APBA2: variants seen among roughly 807,000 people sequenced by gnomAD.
APBA2 encodes the protein amyloid beta precursor protein binding family A member 2, also known as amyloid-beta A4 precursor protein-binding family A member 2.
APBA2 carries 30 observed loss-of-function variants against 75.0 expected under a neutral mutation model. The ratio of observed to expected loss-of-function variants is 0.40; its 90% confidence interval spans 0.30 to 0.54. The LOEUF is 0.54. Ranked by LOEUF, APBA2 falls within the 20% of genes least tolerant of loss-of-function variation. The pLI, the probability that APBA2 is intolerant of heterozygous loss-of-function variation, is 0.49. For synonymous variants in APBA2, 444 were observed against 409.6 expected, an observed-to-expected ratio of 1.08 and a Z score of -1.01; for missense variants, 801 against 1,016.1, an observed-to-expected ratio of 0.79 and a Z score of 2.88.
chr15:28,951,001 A>C (rs1281918073), intron 2 of APBA2, among the ~76,000 whole-genome samples: 1 of 152,112 alleles, frequency 6.6e-6, no homozygotes, highest in Non-Finnish European at 1.5e-5. Flanking sequence ...TTTTTTGAGT[A>C]CAGTCAGTTG....
At chr15:29,010,160 G>A (rs960760390) in intron 3 of APBA2, among the ~76,000 whole-genome samples, 13 of 152,110 alleles carry the variant, frequency 8.5e-5, no homozygotes, top group Non-Finnish European at 1.8e-4. Context: ...TATCTCTTTC[G>A]AATACTTGTC....
Position 29,117,348 on chromosome 15 carries a change from T to C in APBA2, c.*215T>C. The C allele has an allele frequency of 1.7e-6, 1 of 599,408 alleles. No homozygotes were observed. Among genetic ancestry groups the C allele is most frequent in the Non-Finnish European group, 3.0e-6 (1 of 336,378 alleles). The allele number at this position is 599,408 out of a possible 1,614,324, so 37.1% of individuals were successfully genotyped here. ...AGGAGAGTCACAGAACAAATGTTTG[T>C]TTGTAAAGCGTTCCAAGTATTTTGC... On this transcript the variant is annotated 3_prime_UTR_variant, in exon 15 of 15. Transcript: ENST00000683413.
intron 13 of APBA2, among the ~76,000 whole-genome samples, chr15:29,112,901 G>A (rs2044814826): frequency 6.6e-6 from 1 of 151,986 alleles, no homozygotes; most frequent in Admixed American, 6.6e-5. Context: ...CTTCTACTTT[G>A]TCTCTGTGAT....
At chr15:29,043,075 C>T (rs908336383) in intron 3 of APBA2, among the ~76,000 whole-genome samples, 1 of 152,092 alleles carries the variant, frequency 6.6e-6, no homozygotes, top group Non-Finnish European at 1.5e-5. Flanking sequence ...TTAGACGTAA[C>T]CCAGGAAGAA....
intron 6 of APBA2, among the ~76,000 whole-genome samples, chr15:29,086,332 C>T (rs942900374): frequency 1.5e-4 from 23 of 152,352 alleles, no homozygotes; most frequent in African/African-American, 5.5e-4. Context: ...AGCTAAGCCA[C>T]ACCCAGATTC....
chr15:28,943,020 A>G (rs1027959447), intron 2 of APBA2, among the ~76,000 whole-genome samples: 1 of 152,182 alleles, frequency 6.6e-6, no homozygotes, highest in Non-Finnish European at 1.5e-5. Context: ...CTCACCCAAA[A>G]TTACAGAGCA....
chr15:28,960,494 A>G (rs1210063603), intron 2 of APBA2, among the ~76,000 whole-genome samples: 1 of 151,748 alleles, frequency 6.6e-6, no homozygotes, highest in Non-Finnish European at 1.5e-5. Context: ...TTGAATTCTC[A>G]TAATCATAAT....
Position 29,101,608 on chromosome 15 carries a change from A to G in APBA2, c.1348A>G (p.Met450Val). The G allele has an allele frequency of 6.2e-7, 1 of 1,613,350 alleles. No homozygotes were observed. The highest frequency in any genetic ancestry group is 8.5e-7 in the Non-Finnish European group (1 of 1,179,872). ...VLNADTQETMMDHALRTISYI... is the reference protein window; with the variant it reads ...VLNADTQETMVDHALRTISYI... ...GTCTCCCTCCCGACAGGAAACCATG[A>G]TGGACCACGCCTTGCGTACCATCTC... Residue 450 changes from methionine (M) to valine (V), a missense_variant, in exon 10 of 15, where the codon ATG becomes GTG. By Grantham distance (21) the Met-to-Val change is conservative. This residue lies in a region of APBA2 where 367 missense variants were observed against 544.5 expected (regional missense o/e 0.67). Coordinates refer to ENST00000683413, the MANE Select transcript of APBA2 (RefSeq NM_001353788.2).
intron 2 of APBA2, among the ~76,000 whole-genome samples, chr15:28,962,083 A>G (rs1301425348): frequency 6.6e-6 from 1 of 152,048 alleles, no homozygotes; most frequent in Admixed American, 6.5e-5. Flanking sequence ...ATTTTAATCT[A>G]TCGTCGTGAA....
intron 2 of APBA2, among the ~76,000 whole-genome samples, chr15:28,994,596 GTCA>G (rs1364311420): frequency 6.6e-6 from 1 of 152,102 alleles, no homozygotes; most frequent in Non-Finnish European, 1.5e-5. Context: ...GAGACGTTGG[GTCA>G]TCTCCTTTAC....
At chr15:29,043,937 TG>T (rs1456064982) in intron 3 of APBA2, among the ~76,000 whole-genome samples, 12 of 152,230 alleles carry the variant, frequency 7.9e-5, no homozygotes, top group Non-Finnish European at 1.6e-4. Flanking sequence ...CTGGAATGCT[TG>T]GGCTGATTAT....
chr15:29,039,570 T>A (rs143289252), intron 3 of APBA2, among the ~76,000 whole-genome samples: 9 of 152,230 alleles, frequency 5.9e-5, no homozygotes, highest in Admixed American at 5.9e-4. Context: ...GATCCAGGAA[T>A]TGATATTTTT....
chr15:28,937,645 A>C (rs574816688), intron 2 of APBA2, among the ~76,000 whole-genome samples: 2 of 151,596 alleles, frequency 1.3e-5, no homozygotes, highest in South Asian at 4.2e-4. Flanking sequence ...TGTTGGATTT[A>C]GTTTCTTTTT....
At chr15:29,047,990 C>T (rs1394815546) in intron 3 of APBA2, among the ~76,000 whole-genome samples, 2 of 152,084 alleles carry the variant, frequency 1.3e-5, no homozygotes, top group Non-Finnish European at 2.9e-5. Context: ...ACATTTAAGA[C>T]TTCAATAAAT....
chr15:28,967,469 C>T (rs771428705), intron 2 of APBA2, among the ~76,000 whole-genome samples: 24 of 152,228 alleles, frequency 1.6e-4, no homozygotes, highest in Non-Finnish European at 3.1e-4. Context: ...GATGGAGTCT[C>T]GCTCTGTCAC....
At chr15:28,940,749 T>G (rs2035173838) in intron 2 of APBA2, among the ~76,000 whole-genome samples, 1 of 152,134 alleles carries the variant, frequency 6.6e-6, no homozygotes, top group African/African-American at 2.4e-5. Context: ...TGAGACTACT[T>G]GGACAAATGG....
chr15:29,089,367 G>C (rs1024004434), intron 6 of APBA2, among the ~76,000 whole-genome samples: 4 of 152,224 alleles, frequency 2.6e-5, no homozygotes, highest in African/African-American at 9.6e-5. Context: ...GAGGTCTGGT[G>C]TGTTGGGCAT....
intron 3 of APBA2, among the ~76,000 whole-genome samples, chr15:29,003,850 T>C (rs2038976009): frequency 6.6e-6 from 1 of 152,224 alleles, no homozygotes; most frequent in Non-Finnish European, 1.5e-5. Context: ...ACAGATTGTC[T>C]GGGATGATCT....
At chr15:28,963,339 G>T (rs780867693) in intron 2 of APBA2, among the ~76,000 whole-genome samples, 9 of 152,204 alleles carry the variant, frequency 5.9e-5, no homozygotes, top group Non-Finnish European at 1.2e-4. Flanking sequence ...CCCGGCAGGG[G>T]CATTGTTGAA....
Sources: gnomAD v4.1 joint callset for allele counts (sites outside exome capture counted in the v4.1 genomes callset) on GRCh38, gnomAD v4.1.1 for gene constraint, gnomAD v4.1.1 regional missense constraint, MANE v1.5 for transcripts, NCBI Gene and HGNC (gene_info 2026-07-23, HGNC 2026-07-21) for gene names.